The following SIVA1 variants were observed in gnomAD, a reference collection of about 807,000 sequenced individuals.
The protein encoded by SIVA1 is apoptosis regulatory protein Siva.
In SIVA1, 10 loss-of-function variants were observed where a neutral mutation model predicts 19.7. The ratio of observed to expected loss-of-function variants is 0.51; its 90% CI spans 0.31 to 0.86. The LOEUF is 0.86. SIVA1 is among the 40% of genes least tolerant of loss of function. The probability of loss-of-function intolerance (pLI) is 0.04; values close to 1 mark genes in which losing one functional copy is unlikely to be tolerated. For synonymous variants in SIVA1, 130 were observed against 106.1 expected (o/e 1.23, Z -1.39); for missense variants, 241 against 245.2 (o/e 0.98, Z 0.11).
chr14:104,756,725 C>A lies in SIVA1; in HGVS notation c.435C>A (p.Cys145Ter). The change falls in exon 3 of 4, where the codon TGC becomes TGA. Residue 145 changes from cysteine to a stop codon, truncating the protein, a stop_gained. Coordinates refer to ENST00000329967, the MANE Select transcript of SIVA1 (RefSeq NM_006427.4). LOFTEE classifies it low-confidence loss of function (END_TRUNC). The stretch of plus-strand genomic sequence containing the variant: ...AGTGTGTGCGCACCTGCTGGGGCTG[C>A]GGCTCCGTGGCCTGTACCCTGTGTG... ...CGQCVRTCWGCGSVACTLCGL... is the reference protein window; with the variant it reads ...CGQCVRTCWG 1 of 1,613,820 alleles carries A rather than the reference C, an allele frequency of 6.2e-7. No individual in the cohort carries two copies.
intron 2 of SIVA1, chr14:104,756,096 G>T: frequency 1.7e-6 from 1 of 586,824 alleles, no homozygotes; most frequent in East Asian, 3.3e-5. Context: ...CCCTCAGATA[G>T]TCCCACAAGG....
At chr14:104,754,952 C>T (rs1391019168) in intron 1 of SIVA1, among the ~76,000 whole-genome samples, 1 of 152,192 alleles carries the variant, frequency 6.6e-6, no homozygotes, top group Admixed American at 6.5e-5. Flanking sequence ...AAAAACAAAG[C>T]ATTTCTGGGT....
intron 1 of SIVA1, among the ~76,000 whole-genome samples, chr14:104,754,386 A>G (rs562497043): frequency 6.6e-6 from 1 of 152,178 alleles, no homozygotes; most frequent in South Asian, 2.1e-4. Flanking sequence ...ATTCTGGGCC[A>G]TGGGGAGGTA....
intron 2 of SIVA1, chr14:104,756,180 C>T (rs1378163343): frequency 4.5e-6 from 2 of 447,040 alleles, no homozygotes; most frequent in Non-Finnish European, 8.3e-6. Flanking sequence ...GTTAGAAATG[C>T]AATCCCCGAC....
chr14:104,755,752 G>A lies in SIVA1; in HGVS notation c.241G>A (p.Ala81Thr), dbSNP rs917072284. The A allele has an allele frequency of 3.7e-6, 6 of 1,614,022 alleles. No individual in the cohort carries two copies. Among genetic ancestry groups the A allele is most frequent in the Middle Eastern group, 1.6e-4 (1 of 6,066 alleles). Residue 81 changes from alanine to threonine, a missense_variant, in exon 2 of 4, where the codon GCT (alanine) becomes ACT (threonine). Coordinates refer to ENST00000329967, the MANE Select transcript of SIVA1 (RefSeq NM_006427.4). ...PKPGPTGAPR[A>T]ARGQMLIGPD... ...GCCTGGCCCTACAGGGGCCCCGAGG[G>A]CTGCACGTGGGCAGATGCTGATTGG...
At chr14:104,755,458 G>C (rs1275104583) in intron 1 of SIVA1, among the ~76,000 whole-genome samples, 172 bp from the exon 2 acceptor site, 1 of 152,212 alleles carries the variant, frequency 6.6e-6, no homozygotes, top group Non-Finnish European at 1.5e-5. Context: ...TCTCAGCATA[G>C]AGGCAGAGCA....
At chr14:104,753,988 GA>G in intron 1 of SIVA1, 1 of 296,738 alleles carries the variant, frequency 3.4e-6, no homozygotes, top group South Asian at 2.6e-5. Context: ...CCAGGCAGAG[GA>G]AGGGAAGGAA....
At chr14:104,757,387 A>G (rs912179692) in intron 3 of SIVA1, 2 of 340,556 alleles carry the variant, frequency 5.9e-6, no homozygotes, top group Non-Finnish European at 1.2e-5. Flanking sequence ...GACCCAAAGC[A>G]AGCTTAGTCC....
chr14:104,755,132 G>C (rs1891841268), intron 1 of SIVA1, among the ~76,000 whole-genome samples: 1 of 152,192 alleles, frequency 6.6e-6, no homozygotes, highest in African/African-American at 2.4e-5. Context: ...GTGTGCTCTG[G>C]CCAGAGGCTG....
intron 3 of SIVA1, 82 bp downstream of exon 3, chr14:104,756,842 G>T: frequency 7.0e-7 from 1 of 1,426,900 alleles, no homozygotes. Context: ...CACCCATGTG[G>T]GCCCAGAACA....
intron 3 of SIVA1, chr14:104,757,758 G>A (rs1566810087): frequency 6.5e-6 from 1 of 152,886 alleles, no homozygotes; most frequent in Non-Finnish European, 1.5e-5. Context: ...CAAAGCAGAA[G>A]TGAACATAGC....
chr14:104,753,423 C>A, intron 1 of SIVA1, 104 bp downstream of exon 1: 1 of 751,266 alleles, frequency 1.3e-6, no homozygotes, highest in Non-Finnish European at 2.0e-6. Context: ...GAGGGCCCTG[C>A]TTTCTGGCCC....
rs764112675 is a variant in SIVA1 at position 104,756,590 on chromosome 14, T to C, written c.314-14T>C. The C allele has an allele frequency of 1.9e-6, 3 of 1,614,042 alleles. No homozygotes were observed. In the South Asian group the frequency reaches 3.3e-5, roughly 18 times the overall value. On this transcript the variant is annotated splice_polypyrimidine_tract_variant and intron_variant, in intron 2 of 3. Coordinates refer to ENST00000329967, the MANE Select transcript of SIVA1 (RefSeq NM_006427.4). ...CTCCTTGCAGCCTGACGGCTTGGCGTTTCTTCCTCACAGACCCATCTGGGG... is the reference window on the plus strand; with the variant it reads ...CTCCTTGCAGCCTGACGGCTTGGCGCTTCTTCCTCACAGACCCATCTGGGG...
At position 104,753,205 on chromosome 14, in the gene SIVA1, C is replaced by G. The variant is rs919913159; in HGVS notation, c.4C>G (p.Pro2Ala). 11 of 1,570,332 alleles carry G rather than the reference C, an allele frequency of 7.0e-6. No individual in the cohort carries two copies. The East Asian group carries it at 1.7e-4, about 24-fold the overall frequency. Residue 2 changes from proline (P) to alanine (A), a missense_variant, in exon 1 of 4, where the codon CCC becomes GCC. Physicochemically the swap from Pro to Ala is conservative, Grantham distance 27 (BLOSUM62 -1). Coordinates refer to ENST00000329967, the MANE Select transcript of SIVA1 (RefSeq NM_006427.4). M[P>A]KRSCPFADVA... ...CGTAGCTCCCGGCCCCGCGGCCATG[C>G]CCAAGCGGAGCTGCCCCTTCGCGGA...
intron 1 of SIVA1, 34 bp downstream of exon 1, chr14:104,753,353 C>A: frequency 6.9e-7 from 1 of 1,443,478 alleles, no homozygotes; most frequent in Non-Finnish European, 9.5e-7. Flanking sequence ...GGGTCCGCTG[C>A]GTCGGGGCCT....
At chr14:104,753,835 C>T (rs769089539) in intron 1 of SIVA1, 3 of 447,806 alleles carry the variant, frequency 6.7e-6, no homozygotes, top group South Asian at 4.7e-5. Context: ...GCTCCCCAGC[C>T]TAGTTGGGGA....
intron 3 of SIVA1, chr14:104,758,670 A>C (rs2140864086): frequency 6.6e-6 from 1 of 152,200 alleles, no homozygotes; most frequent in East Asian, 1.9e-4. Flanking sequence ...TTGTATTCTT[A>C]GTAGAGACAG....
intron 3 of SIVA1, chr14:104,757,201 T>G: frequency 2.8e-6 from 1 of 361,192 alleles, no homozygotes; most frequent in South Asian, 2.0e-5. Flanking sequence ...AGTCTCCCAT[T>G]TGTGGGTGGG....
At position 104,759,565 on chromosome 14, in the gene SIVA1, A is replaced by C; in HGVS notation, c.*80A>C. On this transcript the variant is annotated 3_prime_UTR_variant, in exon 4 of 4. Transcript: ENST00000329967. The surrounding 1 kb of genome is among the most constrained non-coding windows in gnomAD (Gnocchi z 4.2). The stretch of plus-strand genomic sequence containing the variant: ...CCCTGGACGAGCGCTCGGTGTTCAC[A>C]CTGAACTGTGGGGTCGACGGGAGGG... The C allele has an allele frequency of 8.1e-7, 1 of 1,238,396 alleles. No homozygotes were observed. 76.7% of individuals were successfully genotyped at this position (1,238,396 alleles called of 1,614,324 possible). A position where few individuals can be genotyped will look rare whatever the true frequency, so the allele number is the denominator to read the frequency against.
Sources: gnomAD v4.1 joint callset for allele counts (sites outside exome capture counted in the v4.1 genomes callset) on GRCh38, gnomAD v4.1.1 for gene constraint, Gnocchi (gnomAD v3.1) non-coding constraint, MANE v1.5 for transcripts, NCBI Gene and HGNC (gene_info 2026-07-23, HGNC 2026-07-21) for gene names.